Variants in CCDC60 observed in about 807,000 individuals in gnomAD.
CCDC60 encodes the protein coiled-coil domain containing 60, also known as coiled-coil domain-containing protein 60.
In CCDC60, 54 loss-of-function variants were observed where a neutral mutation model predicts 63.5. The observed-to-expected ratio is 0.85, with a 90% CI of 0.68 to 1.07. The LOEUF (loss-of-function observed/expected upper bound fraction) is 1.07. CCDC60 is among the 50% of genes least tolerant of loss of function. The pLI, the probability that CCDC60 is intolerant of heterozygous loss-of-function variation, is 0.00. For synonymous variants in CCDC60, 206 were observed against 238.8 expected, an observed-to-expected ratio of 0.86 and a Z score of 1.27; for missense variants, 651 against 684.3, an observed-to-expected ratio of 0.95 and a Z score of 0.54.
rs1956790883 is a variant in CCDC60, at chr12:119,420,374, A to G, written c.91-8309A>G. 6.6e-6 allele frequency among the ~76,000 whole-genome samples: 1 copy of G among 152,206 alleles called. No homozygotes were observed. Among genetic ancestry groups the G allele is most frequent in the Admixed American group, 6.5e-5 (1 of 15,280 alleles). On this transcript the variant is annotated intron_variant, in intron 1 of 13. Transcript: ENST00000327554. The surrounding 1 kb of genome is among the most constrained non-coding windows in gnomAD (Gnocchi z 4.1). ...AAAATGGAGTATTATTCAGCTACAA[A>G]AAAAAGAGTGAGATCCAGTTATTTG...
At chr12:119,414,776 G>A (rs909512476) in intron 1 of CCDC60, among the ~76,000 whole-genome samples, 3 of 151,988 alleles carry the variant, frequency 2.0e-5, no homozygotes, top group Non-Finnish European at 2.9e-5. Context: ...GGTCTCAAAC[G>A]CCTGGCCTCA....
chr12:119,345,752 G>T (rs1225531458), intron 1 of CCDC60, among the ~76,000 whole-genome samples: 2 of 152,172 alleles, frequency 1.3e-5, no homozygotes, highest in Middle Eastern at 3.4e-3. Flanking sequence ...GAATTAAGAG[G>T]CCTGGTTCCC....
In CCDC60 at chr12:119,363,560, A is replaced by G. The variant is rs116304921; in HGVS notation, c.90+28294A>G. On this transcript the variant is annotated intron_variant, in intron 1 of 13. Coordinates refer to ENST00000327554, the MANE Select transcript of CCDC60 (RefSeq NM_178499.5). ...TTATTATAGTTGGAGCTTTTTTTCT[A>G]TATGTATTAGAAAGCCACAAGACAC... is the stretch of plus-strand genomic sequence containing the variant. 7.9e-3 allele frequency among the ~76,000 whole-genome samples: 1,204 copies of G among 152,182 alleles called. 14 individuals are homozygous for G. Among genetic ancestry groups the G allele is most frequent in the African/African-American group, 0.028 (1,148 of 41,508 alleles).
At chr12:119,528,841 TA>T (rs1260079148) in intron 12 of CCDC60, 95 bp downstream of exon 12, 17 of 1,307,592 alleles carry the variant, frequency 1.3e-5, no homozygotes, top group Non-Finnish European at 1.8e-5. Context: ...CTTCAAGGCA[TA>T]GAGAGGCATT....
chr12:119,433,324 A>C (rs2136241801), intron 2 of CCDC60: 4 of 683,540 alleles, frequency 5.9e-6, no homozygotes, highest in Middle Eastern at 3.6e-4. Flanking sequence ...TGAGTCTGTC[A>C]CTCCCAACAG....
chr12:119,479,132 G>C lies in CCDC60; in HGVS notation c.380G>C (p.Arg127Thr). Reference sequence around the variant, plus strand: ...GAGAAGTTGAAGACACTGGGAGCTAGAGTCACACGTCGCCCATTCACTCCC... The same window carrying C: ...GAGAAGTTGAAGACACTGGGAGCTACAGTCACACGTCGCCCATTCACTCCC... ...DDEKLKTLGA[R>T]VTRRPFTPIH... is the part of the protein sequence containing the mutation. Residue 127 changes from arginine to threonine, a missense_variant, in exon 4 of 14, where the codon AGA (arginine) becomes ACA (threonine). Transcript: ENST00000327554. 6.2e-7 allele frequency: 1 copy of C among 1,614,032 alleles called. No individual in the cohort carries two copies. The highest frequency in any genetic ancestry group is 1.7e-5 in the Admixed American group (1 of 60,030).
At chr12:119,417,649 G>A (rs1956726430) in intron 1 of CCDC60, among the ~76,000 whole-genome samples, 1 of 152,118 alleles carries the variant, frequency 6.6e-6, no homozygotes, top group African/African-American at 2.4e-5. Flanking sequence ...AAAGGAAGTG[G>A]TTAAGGTGTG....
intron 1 of CCDC60, among the ~76,000 whole-genome samples, chr12:119,428,203 G>A (rs1956933701): frequency 6.6e-6 from 1 of 152,138 alleles, no homozygotes; most frequent in Non-Finnish European, 1.5e-5. Flanking sequence ...ACATTGACAA[G>A]ATTCAGCTCT....
intron 1 of CCDC60, among the ~76,000 whole-genome samples, chr12:119,392,663 C>T (rs954538954): frequency 1.3e-5 from 2 of 152,192 alleles, no homozygotes; most frequent in Non-Finnish European, 2.9e-5. Flanking sequence ...TAAATATTTA[C>T]GGGATGAATG....
intron 5 of CCDC60, among the ~76,000 whole-genome samples, 179 bp from the exon 6 acceptor site, chr12:119,499,899 T>C (rs1951806095): frequency 6.6e-6 from 1 of 151,964 alleles, no homozygotes. Flanking sequence ...TCGATTTCAC[T>C]CAAAAGAGCC....
intron 9 of CCDC60, among the ~76,000 whole-genome samples, chr12:119,521,894 A>C (rs1158748700): frequency 6.6e-6 from 1 of 152,156 alleles, no homozygotes; most frequent in Non-Finnish European, 1.5e-5. Context: ...GGATATTGTT[A>C]ATGGGGGCCT....
chr12:119,517,376 C>A (rs1321995979), intron 8 of CCDC60, among the ~76,000 whole-genome samples: 2 of 152,142 alleles, frequency 1.3e-5, no homozygotes, highest in Non-Finnish European at 2.9e-5. Flanking sequence ...GTTATTCATT[C>A]CTCCTTTGAG....
At position 119,335,276 on chromosome 12, in the gene CCDC60, C is replaced by T; in HGVS notation, c.90+10C>T. 6.3e-7 allele frequency: 1 copy of T among 1,580,684 alleles called. No homozygotes were observed. The highest frequency in any genetic ancestry group is 8.6e-7 in the Non-Finnish European group (1 of 1,163,294). On this transcript the variant is annotated intron_variant, in intron 1 of 13. Transcript: ENST00000327554. ...GGAGAACCTAAGGCAGGTAAGTCTCCCCTCTGCTGAAACCAATCATGTTTT... is the reference window on the plus strand; with the variant it reads ...GGAGAACCTAAGGCAGGTAAGTCTCTCCTCTGCTGAAACCAATCATGTTTT...
chr12:119,371,484 G>A (rs150314661), intron 1 of CCDC60, among the ~76,000 whole-genome samples: 5 of 152,268 alleles, frequency 3.3e-5, no homozygotes, highest in Admixed American at 3.3e-4. Flanking sequence ...GAATGACTCG[G>A]TCTGCTTTGT....
chr12:119,350,439 GC>G (rs1955644948), intron 1 of CCDC60, among the ~76,000 whole-genome samples: 1 of 151,884 alleles, frequency 6.6e-6, no homozygotes, highest in African/African-American at 2.4e-5. Context: ...TTCCATGTTG[GC>G]CAGGCTGGTC....
Position 119,347,456 on chromosome 12 carries a change from T to C in CCDC60, c.90+12190T>C, listed in dbSNP as rs144002992. On this transcript the variant is annotated intron_variant, in intron 1 of 13. Coordinates refer to ENST00000327554, the MANE Select transcript of CCDC60 (RefSeq NM_178499.5). ...CTGTATCATAATTGCCTGTTTATTT[T>C]TCTGATCTCACCACTGGACTTGTAG... is the stretch of plus-strand genomic sequence containing the variant. Among the ~76,000 whole-genome samples the C allele has an allele frequency of 9.3e-4, 142 of 152,366 alleles. 1 individual carries two copies. The highest frequency in any genetic ancestry group is 3.0e-3 in the African/African-American group (123 of 41,588).
intron 8 of CCDC60, among the ~76,000 whole-genome samples, chr12:119,519,553 C>A (rs1368403641): frequency 1.3e-5 from 2 of 150,826 alleles, no homozygotes; most frequent in African/African-American, 2.4e-5. Flanking sequence ...ACCTCTGCCT[C>A]CCTGGTTCAA....
At chr12:119,447,959 G>A (rs927632659) in intron 2 of CCDC60, 10 of 151,928 alleles carry the variant, frequency 6.6e-5, no homozygotes, top group African/African-American at 1.7e-4. Flanking sequence ...GAGGCAAACA[G>A]GCAAACTCAT....
intron 2 of CCDC60, among the ~76,000 whole-genome samples, chr12:119,445,987 G>A (rs557812934): frequency 1.3e-5 from 2 of 152,254 alleles, no homozygotes; most frequent in African/African-American, 4.8e-5. Context: ...CTGCTTAGGT[G>A]ATGGATGCAC....
Sources: allele counts gnomAD v4.1 joint callset (sites outside exome capture counted in the v4.1 genomes callset), GRCh38; gene constraint gnomAD v4.1.1; non-coding constraint Gnocchi (gnomAD v3.1); transcripts MANE v1.5; gene names NCBI Gene and HGNC (gene_info 2026-07-23, HGNC 2026-07-21).